The following GLDN variants were observed in gnomAD, a reference collection of about 807,000 sequenced individuals.
The protein encoded by GLDN is gliomedin, also known as collomin.
In GLDN, 47 loss-of-function variants were observed where a neutral mutation model predicts 56.5. The ratio of observed to expected loss-of-function variants is 0.83; its 90% confidence interval spans 0.66 to 1.06. GLDN has a LOEUF of 1.06. GLDN is among the 50% of genes least tolerant of loss of function. The probability of loss-of-function intolerance (pLI) is 0.00; values close to 1 mark genes in which losing one functional copy is unlikely to be tolerated. For missense variants in GLDN, 782 were observed against 714.3 expected (o/e 1.09, Z -1.08); for synonymous variants, 332 against 278.8 (o/e 1.19, Z -1.90).
chr15:51,411,619 T>A (rs1175856982), downstream of GLDN, among the ~76,000 whole-genome samples: 1 of 152,236 alleles, frequency 6.6e-6, no homozygotes, highest in African/African-American at 2.4e-5. Flanking sequence ...AACTATAACA[T>A]GTAAATAAAT....
chr15:51,394,316 A>T (rs79242174), intron 4 of GLDN, among the ~76,000 whole-genome samples: 286 of 152,244 alleles, frequency 1.9e-3, no homozygotes, highest in African/African-American at 6.7e-3. Context: ...AAATTTCTCT[A>T]AAAATAATCC....
At chr15:51,401,532 C>T (rs1208524255) in intron 8 of GLDN, 61 bp from the exon 9 acceptor site, 6 of 1,497,670 alleles carry the variant, frequency 4.0e-6, no homozygotes, top group Non-Finnish European at 5.5e-6. Context: ...CCCAAGGACT[C>T]CCTCCCAAGC....
Position 51,397,550 on chromosome 15 carries a change from A to C in GLDN, c.769A>C (p.Arg257=). The part of the protein sequence containing the change: ...PGPPGPPGSR[R]AKGPRQPSMF... Reference sequence around the variant, plus strand: ...TCCTCCAGGGCCCCCTGGAAGCAGAAGAGCCAAAGGCCCTCGGCAGCCAAG... The same window carrying C: ...TCCTCCAGGGCCCCCTGGAAGCAGACGAGCCAAAGGCCCTCGGCAGCCAAG... Residue 257 remains arginine (R), a synonymous_variant, in exon 6 of 10, where the codon AGA becomes CGA. Transcript: ENST00000335449. 6.2e-7 allele frequency: 1 copy of C among 1,603,048 alleles called. No homozygotes were observed. The highest frequency in any genetic ancestry group is 8.5e-7 in the Non-Finnish European group (1 of 1,174,030).
At chr15:51,377,395 G>A in intron 1 of GLDN, 54 bp from the exon 2 acceptor site, 1 of 1,415,842 alleles carries the variant, frequency 7.1e-7, no homozygotes, top group African/African-American at 1.4e-5. Flanking sequence ...AATAAAGGAT[G>A]AGCCCAGGGC....
chr15:51,371,521 C>G (rs1410329947), intron 1 of GLDN, among the ~76,000 whole-genome samples: 1 of 152,206 alleles, frequency 6.6e-6, no homozygotes, highest in African/African-American at 2.4e-5. Flanking sequence ...CCCAAGAGTT[C>G]TGCTAATCCA....
At position 51,404,475 on chromosome 15, in the gene GLDN, G is replaced by A. The variant is rs959746370; in HGVS notation, c.1377G>A (p.Val459=). 6.2e-6 allele frequency: 10 copies of A among 1,613,974 alleles called. No homozygotes were observed. The African/African-American group carries it at 1.2e-4, about 19-fold the overall frequency. ...VAQLDERTFS[V]VQHVNTTYPK... ...AACTGGATGAGAGGACATTCTCAGT[G>A]GTGCAACACGTCAATACCACGTACC... Residue 459 remains valine, a synonymous_variant, in exon 10 of 10, where the codon GTG becomes GTA. Transcript: ENST00000335449.
At chr15:51,346,504 G>A (rs2036980827) in intron 1 of GLDN, among the ~76,000 whole-genome samples, 1 of 152,282 alleles carries the variant, frequency 6.6e-6, no homozygotes, top group South Asian at 2.1e-4. Flanking sequence ...GAAAAGAATA[G>A]TTTTATTCTC....
chr15:51,398,062 A>G (rs1441651052), intron 6 of GLDN, among the ~76,000 whole-genome samples: 3 of 152,242 alleles, frequency 2.0e-5, no homozygotes, highest in Admixed American at 6.5e-5. Flanking sequence ...AATTCTCACA[A>G]CAATCCTATG....
At chr15:51,387,509 A>AGG (rs1051918375) in intron 4 of GLDN, among the ~76,000 whole-genome samples, 3 of 152,150 alleles carry the variant, frequency 2.0e-5, no homozygotes, top group Non-Finnish European at 4.4e-5. Context: ...GCGAGGTTGG[A>AGG]GGCTGGCCCT....
chr15:51,397,273 T>C (rs1274479874), intron 5 of GLDN, among the ~76,000 whole-genome samples, 197 bp from the exon 6 acceptor site: 1 of 152,076 alleles, frequency 6.6e-6, no homozygotes, highest in Non-Finnish European at 1.5e-5. Context: ...CTTAGCTGAC[T>C]ACTCTCTTCC....
Position 51,381,922 on chromosome 15 carries a change from AAG to A in GLDN, c.416-1512_416-1511del, listed in dbSNP as rs149670515. 5.8e-3 allele frequency among the ~76,000 whole-genome samples: 875 copies of A among 152,106 alleles called. 5 individuals carry two copies. Among genetic ancestry groups the A allele is most frequent in the Non-Finnish European group, 0.01 (688 of 67,952 alleles). On this transcript the variant is annotated intron_variant, in intron 2 of 9. Transcript: ENST00000335449. ...CTTTCACAGCATCATCCCCCTGCCT[AAG>A]AACCTCCCATGGCTCCCTCCTGCCT... is the stretch of plus-strand genomic sequence containing the variant.
chr15:51,379,386 T>C (rs911090333), intron 2 of GLDN, among the ~76,000 whole-genome samples: 1 of 152,226 alleles, frequency 6.6e-6, no homozygotes, highest in African/African-American at 2.4e-5. Context: ...TAAATCATCA[T>C]GTTACTGAAC....
At chr15:51,388,802 G>A (rs2037954726) in intron 4 of GLDN, among the ~76,000 whole-genome samples, 1 of 152,236 alleles carries the variant, frequency 6.6e-6, no homozygotes, top group Non-Finnish European at 1.5e-5. Flanking sequence ...GTGCCGAAGA[G>A]CAAGAGCGAA....
chr15:51,377,041 A>C (rs2037647319), intron 1 of GLDN, among the ~76,000 whole-genome samples: 1 of 152,258 alleles, frequency 6.6e-6, no homozygotes, highest in Non-Finnish European at 1.5e-5. Flanking sequence ...AGATTTTAAA[A>C]AGGATAACAT....
At chr15:51,400,340 G>A in intron 7 of GLDN, 33 bp from the exon 8 acceptor site, 1 of 1,614,088 alleles carries the variant, frequency 6.2e-7, no homozygotes, top group East Asian at 2.2e-5. Flanking sequence ...ATAATTGGCA[G>A]GCAAGTGACT....
At chr15:51,390,082 T>C (rs1380896873) in intron 4 of GLDN, among the ~76,000 whole-genome samples, 1 of 152,248 alleles carries the variant, frequency 6.6e-6, no homozygotes, top group East Asian at 1.9e-4. Flanking sequence ...GTGTCTCGGC[T>C]CTTCCGCTTA....
chr15:51,363,522 G>A (rs1283454589), intron 1 of GLDN, among the ~76,000 whole-genome samples: 1 of 152,208 alleles, frequency 6.6e-6, no homozygotes, highest in Non-Finnish European at 1.5e-5. Flanking sequence ...AACACTCAGC[G>A]CCTGTTATGG....
chr15:51,383,898 T>G lies in GLDN; in HGVS notation c.541+6T>G. The G allele has an allele frequency of 6.4e-7, 1 of 1,574,340 alleles. No homozygotes were observed. ...TGGAAAAAGAGGAAAAATGGGTATT[T>G]TTGGCAACTCTTCTAATTAATTTCC... is the stretch of plus-strand genomic sequence containing the variant. On this transcript the variant is annotated splice_donor_region_variant and intron_variant, in intron 4 of 9. Transcript: ENST00000335449.
At chr15:51,399,688 T>G (rs1381093912) in intron 6 of GLDN, among the ~76,000 whole-genome samples, 2 of 152,156 alleles carry the variant, frequency 1.3e-5, no homozygotes, top group Non-Finnish European at 2.9e-5. Flanking sequence ...TCTAAATCGG[T>G]GTTTCCCTGC....
Sources: gnomAD v4.1 joint callset for allele counts (sites outside exome capture counted in the v4.1 genomes callset) on GRCh38, gnomAD v4.1.1 for gene constraint, MANE v1.5 for transcripts, NCBI Gene and HGNC (gene_info 2026-07-23, HGNC 2026-07-21) for gene names.